The following EIF3H variants were observed in gnomAD, a reference collection of about 807,000 sequenced individuals.
EIF3H encodes the protein eukaryotic translation initiation factor 3 subunit H.
EIF3H carries 26 observed loss-of-function variants against 44.2 expected under a neutral mutation model. The observed-to-expected ratio is 0.59, with a 90% confidence interval of 0.43 to 0.82. The LOEUF is 0.82. Ranked by LOEUF, EIF3H falls within the 40% of genes least tolerant of loss-of-function variation. The pLI is 0.00. For missense variants in EIF3H, 359 were observed against 432.8 expected (o/e 0.83, Z 1.51); for synonymous variants, 166 against 151.9 (o/e 1.09, Z -0.68).
chr8:116,692,802 A>C (rs1443001568), intron 2 of EIF3H, among the ~76,000 whole-genome samples: 1 of 152,224 alleles, frequency 6.6e-6, no homozygotes, highest in Non-Finnish European at 1.5e-5. Context: ...AATTTGAGAC[A>C]CTAAGAAAAC....
At chr8:116,718,296 A>G (rs1411878260) in intron 2 of EIF3H, among the ~76,000 whole-genome samples, 1 of 152,174 alleles carries the variant, frequency 6.6e-6, no homozygotes, top group Non-Finnish European at 1.5e-5. Context: ...TGACTATGGA[A>G]AACAGTGTGT....
intron 2 of EIF3H, among the ~76,000 whole-genome samples, chr8:116,713,123 TTTTA>T (rs1814602850): frequency 6.6e-6 from 1 of 152,148 alleles, no homozygotes; most frequent in African/African-American, 2.4e-5. Context: ...GTAAGACAGT[TTTTA>T]TTTAATTAAA....
At chr8:116,739,821 C>T (rs757229930) in intron 1 of EIF3H, among the ~76,000 whole-genome samples, 59 of 152,096 alleles carry the variant, frequency 3.9e-4, no homozygotes, top group Admixed American at 1.5e-3. Flanking sequence ...GAGCTGGTCT[C>T]GGCAACTCTG....
intron 3 of EIF3H, among the ~76,000 whole-genome samples, chr8:116,658,015 A>G (rs1813521436): frequency 6.6e-6 from 1 of 152,256 alleles, no homozygotes. Context: ...AATAGGTGAT[A>G]AAATGAAAAC....
intron 2 of EIF3H, among the ~76,000 whole-genome samples, chr8:116,666,321 G>A (rs1006995051): frequency 1.1e-4 from 16 of 152,070 alleles, no homozygotes; most frequent in Non-Finnish European, 1.9e-4. Flanking sequence ...AAACTAGTAC[G>A]AACTTTGACA....
chr8:116,664,208 A>C (rs1813630126), intron 2 of EIF3H, among the ~76,000 whole-genome samples: 1 of 152,178 alleles, frequency 6.6e-6, no homozygotes, highest in Admixed American at 6.5e-5. Flanking sequence ...CTCTTTGCAA[A>C]ACAGTCCATT....
chr8:116,700,946 A>G (rs151257058), intron 2 of EIF3H, among the ~76,000 whole-genome samples: 206 of 152,330 alleles, frequency 1.4e-3, no homozygotes, highest in African/African-American at 4.8e-3. Context: ...GCTATCTTTA[A>G]TCATAAAGTA....
intron 2 of EIF3H, among the ~76,000 whole-genome samples, chr8:116,711,307 A>G: frequency 6.6e-6 from 1 of 152,228 alleles, no homozygotes; most frequent in East Asian, 1.9e-4. Context: ...ATCAACAGAG[A>G]AAATAGCTCA....
At chr8:116,669,050 T>A (rs1363461624) in intron 2 of EIF3H, among the ~76,000 whole-genome samples, 1 of 152,106 alleles carries the variant, frequency 6.6e-6, no homozygotes, top group Non-Finnish European at 1.5e-5. Flanking sequence ...GGAGATTGTA[T>A]GTGTCACTAC....
In EIF3H at chr8:116,752,782, AGGGAGGGAG is replaced by A. The variant is rs1563663217; in HGVS notation, c.132+2875_132+2883del. On this transcript the variant is annotated intron_variant, in intron 1 of 7. Transcript: ENST00000521861. ...GAGGGAGGGAGGGAGGGAGGGAGGG[AGGGAGGGAG>A]GGAGGGAAGGAAGGAAGGAAGGAAG... 6.4e-3 allele frequency among the ~76,000 whole-genome samples: 385 copies of A among 60,082 alleles called. 16 individuals are homozygous for A. Among genetic ancestry groups the A allele is most frequent in the African/African-American group, 0.016 (286 of 18,410 alleles). 39.4% of individuals were successfully genotyped at this position (60,082 alleles called of 152,430 possible). A position where few individuals can be genotyped will look rare whatever the true frequency, so the allele number is the denominator to read the frequency against.
At chr8:116,723,216 G>A (rs1462598790) in intron 2 of EIF3H, among the ~76,000 whole-genome samples, 1 of 152,120 alleles carries the variant, frequency 6.6e-6, no homozygotes, top group Non-Finnish European at 1.5e-5. Flanking sequence ...AACCTCTCAA[G>A]CTCCTCACTT....
At chr8:116,700,495 T>C (rs568082167) in intron 2 of EIF3H, among the ~76,000 whole-genome samples, 1 of 152,294 alleles carries the variant, frequency 6.6e-6, no homozygotes, top group African/African-American at 2.4e-5. Context: ...TCTTCCAGTG[T>C]GGCCTAGGGG....
intron 2 of EIF3H, among the ~76,000 whole-genome samples, chr8:116,714,173 G>A (rs1201074974): frequency 6.6e-6 from 1 of 152,070 alleles, no homozygotes; most frequent in Non-Finnish European, 1.5e-5. Flanking sequence ...ATTTCTAGAG[G>A]TGTGTGTGCC....
intron 5 of EIF3H, among the ~76,000 whole-genome samples, chr8:116,653,622 A>G (rs1378396701): frequency 6.6e-6 from 1 of 152,186 alleles, no homozygotes; most frequent in Non-Finnish European, 1.5e-5. Context: ...TACAGTATCA[A>G]TTTATGCTTA....
At chr8:116,670,131 A>G (rs572489467) in intron 2 of EIF3H, among the ~76,000 whole-genome samples, 3 of 152,202 alleles carry the variant, frequency 2.0e-5, no homozygotes, top group Non-Finnish European at 4.4e-5. Flanking sequence ...TGAATTTCCT[A>G]TAATCATATG....
intron 2 of EIF3H, among the ~76,000 whole-genome samples, chr8:116,666,910 G>A (rs1169974319): frequency 2.0e-5 from 3 of 152,132 alleles, no homozygotes; most frequent in Non-Finnish European, 4.4e-5. Context: ...CGTGATTGTT[G>A]TTAACATACT....
intron 2 of EIF3H, among the ~76,000 whole-genome samples, chr8:116,710,142 CT>C (rs1226976570): frequency 1.3e-5 from 2 of 152,170 alleles, no homozygotes; most frequent in Non-Finnish European, 2.9e-5. Context: ...CAACATACTA[CT>C]TAACCATACT....
In EIF3H at chr8:116,654,601, G is replaced by A. The variant is rs149649204; in HGVS notation, c.707+1255C>T. ...TTGTAAAAGCAATAAAGAAAAATAT[G>A]ACCTTCTAAAACAGACAAATTAAAG... On this transcript the variant is annotated intron_variant, in intron 5 of 7. Coordinates refer to ENST00000521861, the MANE Select transcript of EIF3H (RefSeq NM_003756.3). Among the ~76,000 whole-genome samples the A allele has an allele frequency of 3.0e-3, 454 of 152,238 alleles. 1 individual carries two copies. The highest frequency in any genetic ancestry group is 0.01 in the African/African-American group (433 of 41,538).
intron 5 of EIF3H, among the ~76,000 whole-genome samples, chr8:116,652,391 T>C (rs1813408858): frequency 6.6e-6 from 1 of 152,180 alleles, no homozygotes; most frequent in Non-Finnish European, 1.5e-5. Flanking sequence ...AGTTTGATTA[T>C]GAAACAAATA....
Sources: allele counts gnomAD v4.1 joint callset (sites outside exome capture counted in the v4.1 genomes callset), GRCh38; gene constraint gnomAD v4.1.1; transcripts MANE v1.5; gene names NCBI Gene and HGNC (gene_info 2026-07-23, HGNC 2026-07-21).